CNTN5: variants seen among roughly 807,000 people sequenced by gnomAD.
CNTN5 encodes contactin 5, also known as contactin-5.
A neutral mutation model predicts 129.1 loss-of-function variants in CNTN5; 77 were observed. The ratio of observed to expected loss-of-function variants is 0.60; its 90% CI spans 0.50 to 0.72. CNTN5 has a LOEUF of 0.72. Ranked by LOEUF, CNTN5 falls within the 30% of genes least tolerant of loss-of-function variation. The probability of loss-of-function intolerance (pLI) is 0.00; values close to 1 mark genes in which losing one functional copy is unlikely to be tolerated. For synonymous variants in CNTN5, 509 were observed against 465.6 expected (o/e 1.09, Z -1.20); for missense variants, 1,478 against 1,328.8 (o/e 1.11, Z -1.75).
chr11:99,234,221 G>T (rs1001076240), intron 1 of CNTN5, among the ~76,000 whole-genome samples: 13 of 152,148 alleles, frequency 8.5e-5, no homozygotes, highest in African/African-American at 3.1e-4. Flanking sequence ...ACTAGAGAGT[G>T]AGAATGATAG....
chr11:99,159,438 C>T (rs996016077), intron 1 of CNTN5, among the ~76,000 whole-genome samples: 3 of 151,890 alleles, frequency 2.0e-5, no homozygotes, highest in African/African-American at 7.3e-5. Flanking sequence ...CTGGCTAACG[C>T]GGTGAAGCCC....
chr11:99,772,396 A>G (rs1410607223), intron 3 of CNTN5, among the ~76,000 whole-genome samples: 1 of 152,102 alleles, frequency 6.6e-6, no homozygotes, highest in African/African-American at 2.4e-5. Context: ...CTTAACTGCC[A>G]TGAATTACTT....
In CNTN5 at chr11:99,849,343, CAT is replaced by C. The variant is rs202044970; in HGVS notation, c.577+4094_577+4095del. Among the ~76,000 whole-genome samples, 1,211 of 149,768 alleles carry C rather than the reference CAT, an allele frequency of 8.1e-3. 16 individuals carry two copies. The highest frequency in any genetic ancestry group is 0.025 in the African/African-American group (1,016 of 41,034). ...GTCACATGGCTTTTTGCAGATTCAA[CAT>C]ATATATATATATGCATAATTAGTAT... On this transcript the variant is annotated intron_variant, in intron 6 of 24. Transcript: ENST00000524871.
intron 3 of CNTN5, among the ~76,000 whole-genome samples, chr11:99,758,140 C>T (rs1036506073): frequency 1.3e-5 from 2 of 151,998 alleles, no homozygotes; most frequent in African/African-American, 4.8e-5. Context: ...CAAGTCCAGC[C>T]ATCTTTCTGA....
intron 6 of CNTN5, among the ~76,000 whole-genome samples, chr11:99,845,864 GA>G (rs997808227): frequency 1.0e-4 from 15 of 149,654 alleles, no homozygotes; most frequent in South Asian, 4.2e-4. Flanking sequence ...CTTCCTATGA[GA>G]AAAAAAAATG....
intron 1 of CNTN5, among the ~76,000 whole-genome samples, chr11:99,162,975 G>A (rs1363978878): frequency 1.1e-4 from 16 of 152,132 alleles, no homozygotes; most frequent in Non-Finnish European, 4.4e-5. Flanking sequence ...TCTTTTAAGT[G>A]TTCTTAATTT....
intron 9 of CNTN5, among the ~76,000 whole-genome samples, chr11:100,030,441 G>C (rs1004554736): frequency 1.3e-5 from 2 of 152,088 alleles, no homozygotes; most frequent in African/African-American, 4.8e-5. Context: ...ATAGGTGAAA[G>C]CCATGTCCCC....
intron 1 of CNTN5, among the ~76,000 whole-genome samples, chr11:99,207,230 G>T (rs867223886): frequency 1.9e-4 from 29 of 152,208 alleles, no homozygotes; most frequent in Middle Eastern, 3.4e-3. Context: ...AAAACTGTTT[G>T]CAATACTGTA....
intron 1 of CNTN5, among the ~76,000 whole-genome samples, chr11:99,310,502 C>T (rs1039114559): frequency 3.3e-5 from 5 of 152,048 alleles, no homozygotes; most frequent in Non-Finnish European, 1.5e-5. Flanking sequence ...ATACAATTTA[C>T]CTTTTTGCCC....
chr11:100,352,592 G>A (rs923317557), intron 24 of CNTN5, among the ~76,000 whole-genome samples: 4 of 151,632 alleles, frequency 2.6e-5, no homozygotes, highest in Non-Finnish European at 5.9e-5. Context: ...ACACCTAAAA[G>A]TATTTTTAAA....
chr11:100,342,096 A>C (rs1391482119), intron 23 of CNTN5, among the ~76,000 whole-genome samples: 1 of 151,658 alleles, frequency 6.6e-6, no homozygotes, highest in Non-Finnish European at 1.5e-5. Flanking sequence ...AATTTCCATT[A>C]ATATTATATT....
Position 99,300,765 on chromosome 11 carries a change from A to G in CNTN5, c.-209-24581A>G, listed in dbSNP as rs533265015. Among the ~76,000 whole-genome samples, 6 of 152,026 alleles carry G rather than the reference A, an allele frequency of 3.9e-5. No individual in the cohort carries two copies. In the East Asian group the frequency reaches 1.2e-3, roughly 29 times the overall value. On this transcript the variant is annotated intron_variant, in intron 1 of 24. Coordinates refer to ENST00000524871, the MANE Select transcript of CNTN5 (RefSeq NM_014361.4). Reference sequence around the variant, plus strand: ...TCAGGCTGACATGAAACAGCAGTAGATGGTAACAGAAGTACATATGAAGAA... The same window carrying G: ...TCAGGCTGACATGAAACAGCAGTAGGTGGTAACAGAAGTACATATGAAGAA...
intron 1 of CNTN5, among the ~76,000 whole-genome samples, chr11:99,096,907 G>A (rs1315890319): frequency 6.6e-6 from 1 of 151,764 alleles, no homozygotes; most frequent in Non-Finnish European, 1.5e-5. Flanking sequence ...CAAGACTCTT[G>A]CAAAAGCATT....
intron 1 of CNTN5, among the ~76,000 whole-genome samples, chr11:99,142,335 G>T (rs898628777): frequency 6.6e-6 from 1 of 151,852 alleles, no homozygotes; most frequent in African/African-American, 2.4e-5. Context: ...GTGCTTATGT[G>T]CCAGTAAAAC....
Position 99,509,078 on chromosome 11 carries a change from T to C in CNTN5, c.-70-47067T>C, listed in dbSNP as rs147432455. On this transcript the variant is annotated intron_variant, in intron 2 of 24. Coordinates refer to ENST00000524871, the MANE Select transcript of CNTN5 (RefSeq NM_014361.4). Reference sequence around the variant, plus strand: ...AAAAGATACAACACTTACACAGATATGATATGGGGGGAATATATCTTAGAA... The same window carrying C: ...AAAAGATACAACACTTACACAGATACGATATGGGGGGAATATATCTTAGAA... Among the ~76,000 whole-genome samples, 653 of 152,236 alleles carry C rather than the reference T, an allele frequency of 4.3e-3. 18 individuals carry two copies. The highest frequency in any genetic ancestry group is 0.038 in the Admixed American group (582 of 15,290).
chr11:99,547,184 T>A (rs1948326673), intron 2 of CNTN5, among the ~76,000 whole-genome samples: 1 of 152,030 alleles, frequency 6.6e-6, no homozygotes, highest in Non-Finnish European at 1.5e-5. Context: ...TGTATTTTTT[T>A]AGTAGAGACA....
intron 2 of CNTN5, among the ~76,000 whole-genome samples, chr11:99,536,692 C>G (rs1005421639): frequency 1.3e-5 from 2 of 151,932 alleles, no homozygotes; most frequent in African/African-American, 4.8e-5. Context: ...GAGTTTTATA[C>G]ATGACATCGT....
intron 8 of CNTN5, among the ~76,000 whole-genome samples, chr11:99,986,871 A>G (rs1419545755): frequency 1.3e-5 from 2 of 152,220 alleles, no homozygotes; most frequent in African/African-American, 2.4e-5. Context: ...GGCAATTAGA[A>G]TAAAAATAAG....
At chr11:99,796,864 C>T (rs916048359) in intron 3 of CNTN5, among the ~76,000 whole-genome samples, 1 of 152,100 alleles carries the variant, frequency 6.6e-6, no homozygotes, top group African/African-American at 2.4e-5. Context: ...AAGCAGCTCT[C>T]CCTGACAACT....
Sources: allele counts gnomAD v4.1 joint callset (sites outside exome capture counted in the v4.1 genomes callset), GRCh38; gene constraint gnomAD v4.1.1; transcripts MANE v1.5; gene names NCBI Gene and HGNC (gene_info 2026-07-23, HGNC 2026-07-21).